The following C6orf163 variants were observed in gnomAD, a reference collection of about 807,000 sequenced individuals.
C6orf163 encodes the protein chromosome 6 open reading frame 163, also known as uncharacterized protein C6orf163.
C6orf163 carries 22 observed loss-of-function variants against 28.4 expected under a neutral mutation model. That is an observed-to-expected ratio of 0.78 (90% CI 0.55 to 1.11). C6orf163 has a LOEUF of 1.11. C6orf163 is among the 50% of genes least tolerant of loss of function. The pLI, the probability that C6orf163 is intolerant of heterozygous loss-of-function variation, is 0.00. For missense variants in C6orf163, 342 were observed against 389.1 expected, an observed-to-expected ratio of 0.88 and a Z score of 1.02; for synonymous variants, 110 against 123.6, an observed-to-expected ratio of 0.89 and a Z score of 0.73.
chr6:87,354,932 C>T (rs2127933022), intron 3 of C6orf163, among the ~76,000 whole-genome samples: 1 of 152,338 alleles, frequency 6.6e-6, no homozygotes, highest in East Asian at 1.9e-4. Flanking sequence ...AGCTGGCTCT[C>T]TCAGGGGCTC....
chr6:87,363,629 G>T (rs1035794668), intron 4 of C6orf163, among the ~76,000 whole-genome samples: 2 of 151,832 alleles, frequency 1.3e-5, no homozygotes, highest in Non-Finnish European at 2.9e-5. Context: ...AGTTTACTGA[G>T]AATGATGATT....
At chr6:87,360,113 C>A (rs1290360915) in intron 4 of C6orf163, among the ~76,000 whole-genome samples, 1 of 152,182 alleles carries the variant, frequency 6.6e-6, no homozygotes, top group Non-Finnish European at 1.5e-5. Context: ...CCCTTGGCTT[C>A]TGGCCCTGCT....
At chr6:87,345,282 C>T in intron 1 of C6orf163, 35 bp downstream of exon 1, 1 of 1,481,384 alleles carries the variant, frequency 6.8e-7, no homozygotes, top group Non-Finnish European at 8.9e-7. Flanking sequence ...TGTTCTAATG[C>T]TTCATAGCCT....
chr6:87,348,990 A>T (rs1278263686), intron 2 of C6orf163, 84 bp downstream of exon 2: 1 of 1,493,786 alleles, frequency 6.7e-7, no homozygotes, highest in Non-Finnish European at 8.9e-7. Context: ...TGTATAGTGT[A>T]GTAGTCAGAA....
Position 87,348,820 on chromosome 6 carries a change from G to A in C6orf163, c.157G>A (p.Ala53Thr), listed in dbSNP as rs1246560219. 6.5e-7 allele frequency: 1 copy of A among 1,537,212 alleles called. No homozygotes were observed. The highest frequency in any genetic ancestry group is 8.7e-7 in the Non-Finnish European group (1 of 1,146,834). Residue 53 changes from alanine (A) to threonine (T), a missense_variant, in exon 2 of 5, where the codon GCA becomes ACA. Physicochemically the swap from Ala to Thr is moderately conservative, Grantham distance 58. Coordinates refer to ENST00000388923, the MANE Select transcript of C6orf163 (RefSeq NM_001010868.3). The part of the protein sequence containing the change: ...YTHKDILDIG[A>T]NILKKEEQFQ... ...GCTCTTCAAATACACAGATATTGGG[G>A]CAAATATTCTGAAAAAAGAAGAGCA...
intron 3 of C6orf163, among the ~76,000 whole-genome samples, chr6:87,351,424 TAAAATC>T (rs1777411496): frequency 6.6e-6 from 1 of 152,172 alleles, no homozygotes; most frequent in African/African-American, 2.4e-5. Context: ...CCGGGTGAGA[TAAAATC>T]AACTGTCTTT....
chr6:87,348,554 C>T, intron 1 of C6orf163: 1 of 1,198,636 alleles, frequency 8.3e-7, no homozygotes, highest in Non-Finnish European at 1.0e-6. Context: ...ATTTATTTCA[C>T]CTCCCCAGTT....
chr6:87,344,921 T>C lies in C6orf163; in HGVS notation c.-179T>C, dbSNP rs1777300822. On this transcript the variant is annotated 5_prime_UTR_variant, in exon 1 of 5. Transcript: ENST00000388923. ...GGGCTTTTAGCACCATTCTTTAACGTTAGACACATAACCACAGCCTAATCA... is the reference window on the plus strand; with the variant it reads ...GGGCTTTTAGCACCATTCTTTAACGCTAGACACATAACCACAGCCTAATCA... The C allele has an allele frequency of 3.8e-6, 2 of 523,938 alleles. No homozygotes were observed. The allele number at this position is 523,938 out of a possible 1,614,324, so 32.5% of individuals were successfully genotyped here. A position where few individuals can be genotyped will look rare whatever the true frequency, so the allele number is the denominator to read the frequency against.
intron 3 of C6orf163, among the ~76,000 whole-genome samples, chr6:87,351,934 GTTGTA>G (rs1384266762): frequency 6.6e-6 from 1 of 152,184 alleles, no homozygotes; most frequent in Admixed American, 6.5e-5. Context: ...CTGGCATTAG[GTTGTA>G]AAGACATAAG....
intron 4 of C6orf163, among the ~76,000 whole-genome samples, chr6:87,360,548 TCAC>T (rs1777566776): frequency 7.0e-6 from 1 of 142,308 alleles, no homozygotes; most frequent in African/African-American, 2.6e-5. Context: ...AGGTACTCAC[TCAC>T]CACCATGCCC....
At chr6:87,358,781 G>A (rs1213522825) in intron 4 of C6orf163, among the ~76,000 whole-genome samples, 2 of 152,134 alleles carry the variant, frequency 1.3e-5, no homozygotes, top group Non-Finnish European at 2.9e-5. Flanking sequence ...GCATCTGGGT[G>A]TCCCTTCCTA....
At chr6:87,346,902 A>G (rs988559740) in intron 1 of C6orf163, among the ~76,000 whole-genome samples, 2 of 152,228 alleles carry the variant, frequency 1.3e-5, no homozygotes, top group African/African-American at 4.8e-5. Context: ...TCCAGCTTCC[A>G]TTGATATCTT....
intron 3 of C6orf163, 173 bp from the exon 4 acceptor site, chr6:87,356,128 A>C: frequency 1.7e-6 from 1 of 603,228 alleles, no homozygotes; most frequent in Non-Finnish European, 2.9e-6. Flanking sequence ...TGGTTCACCT[A>C]ACATCATATA....
At chr6:87,355,441 G>C (rs1049111660) in intron 3 of C6orf163, among the ~76,000 whole-genome samples, 1 of 151,958 alleles carries the variant, frequency 6.6e-6, no homozygotes, top group Non-Finnish European at 1.5e-5. Flanking sequence ...AGTGTCTGTC[G>C]TCTCAGCTAC....
chr6:87,348,163 A>AG, intron 1 of C6orf163: 1 of 980,154 alleles, frequency 1.0e-6, no homozygotes, highest in Non-Finnish European at 1.2e-6. Flanking sequence ...TCAAAAAAAA[A>AG]GAGAAATCCC....
At position 87,344,858 on chromosome 6, in the gene C6orf163, A is replaced by T. The variant is rs1286866523; in HGVS notation, c.-242A>T. ...GAGTCTGGGAAGGAGCAACTACTTA[A>T]ATCTTCCCAAATCTGGTGCCCATAC... On this transcript the variant is annotated 5_prime_UTR_variant, in exon 1 of 5. Transcript: ENST00000388923. The T allele has an allele frequency of 6.2e-6, 2 of 324,878 alleles. No individual in the cohort carries two copies. The highest frequency in any genetic ancestry group is 1.1e-5 in the Non-Finnish European group (2 of 179,822). The allele number at this position is 324,878 out of a possible 1,614,324, so 20.1% of individuals were successfully genotyped here.
chr6:87,359,278 A>G (rs1777548659), intron 4 of C6orf163: 2 of 152,282 alleles, frequency 1.3e-5, no homozygotes. Context: ...GAGAGAGGCA[A>G]ACGAATGAGA....
At position 87,359,958 on chromosome 6, in the gene C6orf163, G is replaced by A. The variant is rs113861862; in HGVS notation, c.554+3455G>A. On this transcript the variant is annotated intron_variant, in intron 4 of 4. Transcript: ENST00000388923. Reference sequence around the variant, plus strand: ...GGCATTGGGGGTTATGGAGCTGGACGTGCCATTCCTTCTGCCAGATGCCAG... The same window carrying A: ...GGCATTGGGGGTTATGGAGCTGGACATGCCATTCCTTCTGCCAGATGCCAG... Among the ~76,000 whole-genome samples, 877 of 152,274 alleles carry A rather than the reference G, an allele frequency of 5.8e-3. 9 individuals carry two copies. The highest frequency in any genetic ancestry group is 0.019 in the African/African-American group (803 of 41,554).
intron 3 of C6orf163, among the ~76,000 whole-genome samples, chr6:87,353,894 C>T (rs573160502): frequency 1.3e-5 from 2 of 152,272 alleles, no homozygotes; most frequent in African/African-American, 4.8e-5. Context: ...CTCTGTAGCC[C>T]ACGCAGGAGT....
Sources: gnomAD v4.1 joint callset for allele counts (sites outside exome capture counted in the v4.1 genomes callset) on GRCh38, gnomAD v4.1.1 for gene constraint, MANE v1.5 for transcripts, NCBI Gene and HGNC (gene_info 2026-07-23, HGNC 2026-07-21) for gene names.